The following C3orf62 variants were observed in gnomAD, a reference collection of about 807,000 sequenced individuals.
C3orf62 encodes chromosome 3 open reading frame 62.
A neutral mutation model predicts 21.7 loss-of-function variants in C3orf62; 16 were observed. That is an observed-to-expected ratio of 0.74 (90% CI 0.50 to 1.12). The LOEUF is 1.12. Among genes scored for constraint, C3orf62 ranks in the 50% most tolerant of loss-of-function variants. C3orf62 has a pLI of 0.00. For missense variants in C3orf62, 310 were observed against 318.8 expected (o/e 0.97, Z 0.21); for synonymous variants, 114 against 117.0 (o/e 0.97, Z 0.17).
chr3:49,272,799 C>T (rs1199477410), intron 2 of C3orf62, among the ~76,000 whole-genome samples: 3 of 151,928 alleles, frequency 2.0e-5, no homozygotes, highest in East Asian at 1.9e-4. Context: ...GTGATCTGCC[C>T]GCCTCAGCCT....
intron 2 of C3orf62, 138 bp downstream of exon 2, chr3:49,273,911 T>A: frequency 1.6e-6 from 1 of 644,062 alleles, no homozygotes; most frequent in Non-Finnish European, 2.8e-6. Flanking sequence ...TCCTCGGCCT[T>A]CCAAAGTGCT....
chr3:49,270,925 T>A lies in C3orf62; in HGVS notation c.*255A>T, dbSNP rs561115619. 83 of 477,256 alleles carry A rather than the reference T, an allele frequency of 1.7e-4. No individual in the cohort carries two copies. The highest frequency in any genetic ancestry group is 1.5e-3 in the African/African-American group (78 of 50,502). The allele number at this position is 477,256 out of a possible 1,614,324, so 29.6% of individuals were successfully genotyped here. A position where few individuals can be genotyped will look rare whatever the true frequency, so the allele number is the denominator to read the frequency against. ...GGGTACTGGGTATATTGAACATCAA[T>A]CAAAAAAACACATTCAAGATGTCAA... On this transcript the variant is annotated 3_prime_UTR_variant, in exon 3 of 3. Transcript: ENST00000343010.
chr3:49,277,161 T>A lies in C3orf62; in HGVS notation c.-289A>T. The A allele has an allele frequency of 7.1e-7, 1 of 1,412,844 alleles. No homozygotes were observed. Among genetic ancestry groups the A allele is most frequent in the South Asian group, 1.2e-5 (1 of 82,066 alleles). 87.5% of individuals were successfully genotyped at this position (1,412,844 alleles called of 1,614,324 possible). ...CTACCGGCACCCCCCCTTTGGCGAG[T>A]CGGCAGCCACGTCCTTGTCCTCACC... On this transcript the variant is annotated 5_prime_UTR_variant, in exon 1 of 3. Transcript: ENST00000343010.
At position 49,276,868 on chromosome 3, in the gene C3orf62, T is replaced by C; in HGVS notation, c.5A>G (p.His2Arg). 6.2e-7 allele frequency: 1 copy of C among 1,610,586 alleles called. No homozygotes were observed. Among genetic ancestry groups the C allele is most frequent in the Non-Finnish European group, 8.5e-7 (1 of 1,178,750 alleles). M[H>R]YIKTWSLLGE... ...TAAAAGCGACCATGTCTTTATGTAATGCATTGGAAATGCACAGGACAACAC... is the reference window on the plus strand; with the variant it reads ...TAAAAGCGACCATGTCTTTATGTAACGCATTGGAAATGCACAGGACAACAC... The change falls in exon 1 of 3, where the codon CAT becomes CGT. Residue 2 changes from histidine to arginine, a missense_variant. Physicochemically the swap from His to Arg is conservative, Grantham distance 29. Coordinates refer to ENST00000343010, the MANE Select transcript of C3orf62 (RefSeq NM_198562.3).
rs1322835545 is a variant in C3orf62 at position 49,271,420 on chromosome 3, T to C, written c.564A>G (p.Glu188=). The C allele has an allele frequency of 6.2e-7, 1 of 1,614,022 alleles. No individual in the cohort carries two copies. The highest frequency in any genetic ancestry group is 8.5e-7 in the Non-Finnish European group (1 of 1,179,978). The change falls in exon 3 of 3, where the codon GAA becomes GAG. Residue 188 remains glutamate, a synonymous_variant. Transcript: ENST00000343010. Reference sequence around the variant, plus strand: ...CAAATTCTATTTTTCCAGCCAATTCTTCAATAGTTCGGATGCTTGTATGGT... The same window carrying C: ...CAAATTCTATTTTTCCAGCCAATTCCTCAATAGTTCGGATGCTTGTATGGT... ...MIDHTSIRTI[E]ELAGKIEFEN... is the part of the protein sequence containing the mutation.
At chr3:49,271,910 C>CAAAAAA (rs10706165) in intron 2 of C3orf62, among the ~76,000 whole-genome samples, 18 of 106,912 alleles carry the variant, frequency 1.7e-4, no homozygotes, top group African/African-American at 5.1e-4. Context: ...GGCCCTGTCT[C>CAAAAAA]AAAAAAAAAA....
chr3:49,271,004 C>A lies in C3orf62; in HGVS notation c.*176G>T, dbSNP rs529397636. The A allele has an allele frequency of 1.9e-5, 12 of 626,022 alleles. No individual in the cohort carries two copies. Among genetic ancestry groups the A allele is most frequent in the Non-Finnish European group, 2.8e-5 (10 of 363,506 alleles). The allele number at this position is 626,022 out of a possible 1,614,324, so 38.8% of individuals were successfully genotyped here. On this transcript the variant is annotated 3_prime_UTR_variant, in exon 3 of 3. Coordinates refer to ENST00000343010, the MANE Select transcript of C3orf62 (RefSeq NM_198562.3). ...GGAAACATTTCAAAGCAATGGAATTCAAAAAACTGGTCTCACAGCTTAAAA... is the reference window on the plus strand; with the variant it reads ...GGAAACATTTCAAAGCAATGGAATTAAAAAAACTGGTCTCACAGCTTAAAA...
Position 49,277,219 on chromosome 3 carries a change from C to T in C3orf62, c.-347G>A, listed in dbSNP as rs539982297. 1.5e-6 allele frequency: 2 copies of T among 1,328,154 alleles called. No homozygotes were observed. The highest frequency in any genetic ancestry group is 3.0e-5 in the African/African-American group (2 of 67,576). The allele number at this position is 1,328,154 out of a possible 1,614,324, so 82.3% of individuals were successfully genotyped here. On this transcript the variant is annotated 5_prime_UTR_variant, in exon 1 of 3. The change abolishes an upstream ATG in the 5' untranslated region. Coordinates refer to ENST00000343010, the MANE Select transcript of C3orf62 (RefSeq NM_198562.3). ...CAGTGACGCCGACCCATCCAACGGT[C>T]ATCGCATGCGCGTGCCCCGCGCAGG...
rs746086446 is a variant in C3orf62, at chr3:49,272,534, C to CTTTTTTTTTT, written c.539-1099_539-1090dup. 2.1e-4 allele frequency among the ~76,000 whole-genome samples: 11 copies of CTTTTTTTTTT among 51,810 alleles called. 2 individuals carry two copies. Among genetic ancestry groups the CTTTTTTTTTT allele is most frequent in the African/African-American group, 6.0e-4 (7 of 11,694 alleles). 34.0% of individuals were successfully genotyped at this position (51,810 alleles called of 152,430 possible). ...TTTGACTTCTAATTTTTCTCCTAAT[C>CTTTTTTTTTT]TTTTTTTTTTTTTTTTTTTTTTTTT... is the stretch of plus-strand genomic sequence containing the variant. On this transcript the variant is annotated intron_variant, in intron 2 of 2. Coordinates refer to ENST00000343010, the MANE Select transcript of C3orf62 (RefSeq NM_198562.3).
chr3:49,273,420 T>A (rs1187687330), intron 2 of C3orf62, among the ~76,000 whole-genome samples: 1 of 152,016 alleles, frequency 6.6e-6, no homozygotes, highest in Non-Finnish European at 1.5e-5. Flanking sequence ...TGAGACTCTG[T>A]CTCTCCCCCC....
At chr3:49,274,371 CT>C in intron 1 of C3orf62, 2 of 460,282 alleles carry the variant, frequency 4.3e-6, no homozygotes, top group East Asian at 8.5e-5. Flanking sequence ...AAATTTTTTT[CT>C]TTTTTAGAGA....
chr3:49,277,006 G>C lies in C3orf62; in HGVS notation c.-134C>G. Reference sequence around the variant, plus strand: ...CTCGGGCTTTCCTCCTGGAGTAGGCGGTTCTCGGCTCTCGCGGAGGAACCC... The same window carrying C: ...CTCGGGCTTTCCTCCTGGAGTAGGCCGTTCTCGGCTCTCGCGGAGGAACCC... On this transcript the variant is annotated 5_prime_UTR_variant, in exon 1 of 3. Transcript: ENST00000343010. 2.1e-6 allele frequency: 3 copies of C among 1,463,328 alleles called. No individual in the cohort carries two copies. Among genetic ancestry groups the C allele is most frequent in the Non-Finnish European group, 2.7e-6 (3 of 1,110,632 alleles). The allele number at this position is 1,463,328 out of a possible 1,614,324, so 90.6% of individuals were successfully genotyped here.
Position 49,277,121 on chromosome 3 carries a change from C to G in C3orf62, c.-249G>C, listed in dbSNP as rs919435044. ...CGCTGCCTCCCGCCCCACCGCGGCT[C>G]CCAGGCCGCTGGCCCTACCGGCACC... On this transcript the variant is annotated 5_prime_UTR_variant, in exon 1 of 3. Transcript: ENST00000343010. 3.6e-5 allele frequency: 53 copies of G among 1,474,570 alleles called. No individual in the cohort carries two copies. The Admixed American group carries it at 1.0e-3, about 28-fold the overall frequency. 91.3% of individuals were successfully genotyped at this position (1,474,570 alleles called of 1,614,324 possible). A position where few individuals can be genotyped will look rare whatever the true frequency, so the allele number is the denominator to read the frequency against.
chr3:49,276,888 C>T lies in C3orf62; in HGVS notation c.-16G>A. 1.9e-6 allele frequency: 3 copies of T among 1,598,038 alleles called. No individual in the cohort carries two copies. Among genetic ancestry groups the T allele is most frequent in the East Asian group, 4.5e-5 (2 of 44,718 alleles). On this transcript the variant is annotated 5_prime_UTR_variant, in exon 1 of 3. Transcript: ENST00000343010. ...TGTAATGCATTGGAAATGCACAGGACAACACAATAATGTTACAAATGAGGC... is the reference window on the plus strand; with the variant it reads ...TGTAATGCATTGGAAATGCACAGGATAACACAATAATGTTACAAATGAGGC...
At chr3:49,274,020 G>A (rs773869729) in intron 2 of C3orf62, 29 bp downstream of exon 2, 1 of 1,518,466 alleles carries the variant, frequency 6.6e-7, no homozygotes, top group Non-Finnish European at 9.1e-7. Flanking sequence ...TCTTCCCAAG[G>A]ACAGGATGGA....
chr3:49,272,422 T>G (rs906364201), intron 2 of C3orf62, among the ~76,000 whole-genome samples: 3 of 151,560 alleles, frequency 2.0e-5, no homozygotes, highest in Non-Finnish European at 4.4e-5. Context: ...CAGATTTGTA[T>G]GTAGAAAAAA....
chr3:49,275,262 C>T (rs1301754871), intron 1 of C3orf62, among the ~76,000 whole-genome samples: 9 of 151,628 alleles, frequency 5.9e-5, no homozygotes, highest in Admixed American at 2.6e-4. Flanking sequence ...CATAGGCGCG[C>T]GCCACCACGC....
Position 49,276,828 on chromosome 3 carries a change from T to C in C3orf62, c.45A>G (p.Glu15=). 6.2e-7 allele frequency: 1 copy of C among 1,613,716 alleles called. No individual in the cohort carries two copies. Among genetic ancestry groups the C allele is most frequent in the South Asian group, 1.1e-5 (1 of 91,082 alleles). ...KTWSLLGEMS[E]KLRRCRKELT... ...GTTCCTTTCTGCATCTTCTTAGTTT[T>C]TCAGACATTTCTCCTAAAAGCGACC... The change falls in exon 1 of 3, where the codon GAA becomes GAG. Residue 15 remains glutamate, a synonymous_variant. Transcript: ENST00000343010.
rs1350222485 is a variant in C3orf62, at chr3:49,277,185, C to T, written c.-313G>A. On this transcript the variant is annotated 5_prime_UTR_variant, in exon 1 of 3. In the 5' UTR this introduces an upstream ATG that the reference lacks. Transcript: ENST00000343010. ...GTCGGCAGCCACGTCCTTGTCCTCA[C>T]CCGCAGCGCAGTGACGCCGACCCAT... The T allele has an allele frequency of 2.9e-6, 4 of 1,372,478 alleles. No individual in the cohort carries two copies. The highest frequency in any genetic ancestry group is 1.4e-5 in the African/African-American group (1 of 69,042). The allele number at this position is 1,372,478 out of a possible 1,614,324, so 85.0% of individuals were successfully genotyped here.
Sources: allele counts gnomAD v4.1 joint callset (sites outside exome capture counted in the v4.1 genomes callset), GRCh38; gene constraint gnomAD v4.1.1; transcripts MANE v1.5; gene names NCBI Gene and HGNC (gene_info 2026-07-23, HGNC 2026-07-21).